KTN1: variants seen among roughly 807,000 people sequenced by gnomAD.
The protein encoded by KTN1 is kinectin 1.
A neutral mutation model predicts 222.5 loss-of-function variants in KTN1; 130 were observed. That is an observed-to-expected ratio of 0.58 (90% CI 0.51 to 0.68). The LOEUF is 0.68. Ranked by LOEUF, KTN1 falls within the 30% of genes least tolerant of loss-of-function variation. The pLI is 0.00. For synonymous variants in KTN1, 512 were observed against 496.3 expected (o/e 1.03, Z -0.42); for missense variants, 1,508 against 1,500.4 (o/e 1.01, Z -0.08).
chr14:55,642,682 A>C (rs2041919532), intron 18 of KTN1, among the ~76,000 whole-genome samples: 3 of 152,182 alleles, frequency 2.0e-5, no homozygotes, highest in African/African-American at 4.8e-5. Flanking sequence ...TAAAATTCAC[A>C]TTTATGCAGA....
chr14:55,638,325 T>C (rs1021658767), intron 12 of KTN1, among the ~76,000 whole-genome samples: 12 of 151,904 alleles, frequency 7.9e-5, no homozygotes, highest in Non-Finnish European at 1.6e-4. Context: ...CAAGTGATAG[T>C]GTAAGACCTG....
At chr14:55,591,763 A>G (rs1409426263) in intron 1 of KTN1, among the ~76,000 whole-genome samples, 1 of 151,592 alleles carries the variant, frequency 6.6e-6, no homozygotes, top group Non-Finnish European at 1.5e-5. Context: ...TTTAGTAGAG[A>G]TAGGGTTTCT....
At chr14:55,602,337 T>C (rs1039244498) in intron 1 of KTN1, among the ~76,000 whole-genome samples, 1 of 152,220 alleles carries the variant, frequency 6.6e-6, no homozygotes, top group Non-Finnish European at 1.5e-5. Flanking sequence ...ACATGGTACT[T>C]GAGCTGGAAG....
At chr14:55,678,547 A>G (rs1400400629) in intron 42 of KTN1, 103 bp downstream of exon 42, 1 of 718,942 alleles carries the variant, frequency 1.4e-6, no homozygotes, top group African/African-American at 1.8e-5. Flanking sequence ...TCTTTCTTGA[A>G]AATATCCTGT....
rs372815686 is a variant in KTN1, at chr14:55,673,181, C to A, written c.3697C>A (p.Leu1233Met). 76 of 1,612,064 alleles carry A rather than the reference C, an allele frequency of 4.7e-5. No homozygotes were observed. Among genetic ancestry groups the A allele is most frequent in the Non-Finnish European group, 5.9e-5 (69 of 1,178,564 alleles). ...CTAAACTTCATTGCAGCTGAAAGAT[C>A]TGTTGACTGAATTGCAGAAAAAACT... ...YVTEVRELKD[L>M]LTELQKKLDD... is the part of the protein sequence containing the mutation. The change falls in exon 40 of 44, where the codon CTG (leucine) becomes ATG (methionine). Residue 1233 changes from leucine to methionine, a missense_variant. Leu to Met is a conservative substitution (Grantham distance 15). Coordinates refer to ENST00000395314, the MANE Select transcript of KTN1 (RefSeq NM_001079521.2).
At chr14:55,640,813 G>C (rs1026999131) in intron 15 of KTN1, 120 bp from the exon 16 acceptor site, 2 of 772,218 alleles carry the variant, frequency 2.6e-6, no homozygotes, top group Non-Finnish European at 4.3e-6. Context: ...GAAATATACA[G>C]TATTGCTGTA....
In KTN1 at chr14:55,641,643, TATTACCTTTTTTCTTAATAAAACAGTAAA is replaced by T. The variant is rs1272460916; in HGVS notation, c.2104-48_2104-20del. ...CAAAAACCCATTCAAATGATTGCTT[TATTACCTTTTTTCTTAATAAAACAGTAAA>T]TTGAGACTCTTTCTTCCAGATTCTA... On this transcript the variant is annotated intron_variant, in intron 17 of 43. Transcript: ENST00000395314. The T allele has an allele frequency of 8.7e-7, 1 of 1,150,556 alleles. No homozygotes were observed. The highest frequency in any genetic ancestry group is 1.3e-6 in the Non-Finnish European group (1 of 759,924). 71.3% of individuals were successfully genotyped at this position (1,150,556 alleles called of 1,614,324 possible).
At chr14:55,675,780 A>G (rs1188745893) in intron 40 of KTN1, 55 bp from the exon 41 acceptor site, 45 of 1,184,376 alleles carry the variant, frequency 3.8e-5, no homozygotes, top group Non-Finnish European at 4.9e-5. Flanking sequence ...AGGTATCAGC[A>G]TAATCAAAGA....
At chr14:55,678,255 A>T in intron 41 of KTN1, 97 bp from the exon 42 acceptor site, 1 of 737,786 alleles carries the variant, frequency 1.4e-6, no homozygotes, top group Non-Finnish European at 2.3e-6. Context: ...GTCTTTTGAG[A>T]GGAGCTTTTA....
At chr14:55,606,488 G>A (rs9972177) in intron 1 of KTN1, among the ~76,000 whole-genome samples, 12,255 of 152,024 alleles carry the variant, frequency 0.081, 534 homozygotes, top group South Asian at 0.11. Context: ...AATTGTGTCA[G>A]TTGAAGGACA....
intron 1 of KTN1, among the ~76,000 whole-genome samples, chr14:55,590,533 C>T (rs1382102177): frequency 6.6e-6 from 1 of 152,124 alleles, no homozygotes; most frequent in Non-Finnish European, 1.5e-5. Flanking sequence ...CACTACCTTT[C>T]TTACCTTTGC....
intron 1 of KTN1, among the ~76,000 whole-genome samples, chr14:55,581,628 G>A (rs2031670776): frequency 6.6e-6 from 1 of 152,192 alleles, no homozygotes; most frequent in Non-Finnish European, 1.5e-5. Context: ...TAAAGGTTCT[G>A]AATTGTATAG....
Position 55,612,189 on chromosome 14 carries a change from T to C in KTN1, c.141T>C (p.Leu47=). 6.3e-7 allele frequency: 1 copy of C among 1,587,378 alleles called. No individual in the cohort carries two copies. The highest frequency in any genetic ancestry group is 1.4e-5 in the African/African-American group (1 of 72,920). Residue 47 remains leucine, a synonymous_variant, in exon 2 of 44, where the codon CTT becomes CTC. Coordinates refer to ENST00000395314, the MANE Select transcript of KTN1 (RefSeq NM_001079521.2). ...CAAAACAGAAAAGAGAACAAAAGCT[T>C]ATTCCTACCAAAACAGATAAAAAGA... ...VLAKQKREQK[L]IPTKTDKKKA... is the part of the protein sequence containing the mutation.
chr14:55,612,469 A>C lies in KTN1; in HGVS notation c.421A>C (p.Lys141Gln), dbSNP rs894604893. 2.5e-6 allele frequency: 4 copies of C among 1,614,052 alleles called. No homozygotes were observed. The highest frequency in any genetic ancestry group is 3.4e-6 in the Non-Finnish European group (4 of 1,180,018). ...KESDASKIPG[K>Q]KVEPVPVTKQ... Reference sequence around the variant, plus strand: ...AAGTGACGCATCAAAGATTCCTGGCAAAAAAGTAGAACCTGTCCCAGTTAC... The same window carrying C: ...AAGTGACGCATCAAAGATTCCTGGCCAAAAAGTAGAACCTGTCCCAGTTAC... Residue 141 changes from lysine to glutamine, a missense_variant, in exon 2 of 44, where the codon AAA (lysine) becomes CAA (glutamine). Lys to Gln is a moderately conservative substitution (Grantham distance 53, BLOSUM62 1). Coordinates refer to ENST00000395314, the MANE Select transcript of KTN1 (RefSeq NM_001079521.2).
In KTN1 at chr14:55,639,170, A is replaced by G. The variant is rs1454904380; in HGVS notation, c.1786-15A>G. 5 of 1,575,672 alleles carry G rather than the reference A, an allele frequency of 3.2e-6. No individual in the cohort carries two copies. In the South Asian group the frequency reaches 3.3e-5, roughly 10 times the overall value. ...TCTTAAATACTTTTATGTTGACACT[A>G]TTTTTCTTTCTTAGACCTCCGCTTC... On this transcript the variant is annotated splice_polypyrimidine_tract_variant and intron_variant, in intron 12 of 43. Coordinates refer to ENST00000395314, the MANE Select transcript of KTN1 (RefSeq NM_001079521.2).
intron 1 of KTN1, chr14:55,607,215 T>C (rs2036852721): frequency 6.6e-6 from 1 of 152,212 alleles, no homozygotes; most frequent in Non-Finnish European, 1.5e-5. Flanking sequence ...AGGTTTTGTA[T>C]GAACAAATGT....
At chr14:55,591,063 T>C (rs941930218) in intron 1 of KTN1, among the ~76,000 whole-genome samples, 3 of 123,042 alleles carry the variant, frequency 2.4e-5, no homozygotes, top group African/African-American at 9.8e-5. Flanking sequence ...CTGTTGGACA[T>C]TGGGTTTCTA....
rs1161722101 is a variant in KTN1, at chr14:55,650,598, A to G, written c.2526A>G (p.Lys842=). 6.2e-7 allele frequency: 1 copy of G among 1,612,824 alleles called. No homozygotes were observed. Among genetic ancestry groups the G allele is most frequent in the Admixed American group, 1.7e-5 (1 of 60,006 alleles). ...TGAAACAGGAAATAAAGGCTCTAAA[A>G]GAAGAAATAGGAAATGTCCAGCTTG... ...QDLKQEIKAL[K]EEIGNVQLEK... Residue 842 remains lysine, a synonymous_variant, in exon 24 of 44, where the codon AAA becomes AAG. Transcript: ENST00000395314.
At chr14:55,665,328 T>C (rs2044601518) in intron 33 of KTN1, among the ~76,000 whole-genome samples, 1 of 152,044 alleles carries the variant, frequency 6.6e-6, no homozygotes. Context: ...ATGTGGGTGC[T>C]AATCACACCA....
Sources: gnomAD v4.1 joint callset for allele counts (sites outside exome capture counted in the v4.1 genomes callset) on GRCh38, gnomAD v4.1.1 for gene constraint, MANE v1.5 for transcripts, NCBI Gene and HGNC (gene_info 2026-07-23, HGNC 2026-07-21) for gene names.